ADAMTS2: variants seen among roughly 807,000 people sequenced by gnomAD.
The protein encoded by ADAMTS2 is A disintegrin and metalloproteinase with thrombospondin motifs 2.
In ADAMTS2, 50 loss-of-function variants were observed where a neutral mutation model predicts 123.0. The observed-to-expected ratio is 0.41, with a 90% CI of 0.32 to 0.51. The LOEUF is 0.51. ADAMTS2 is among the 20% of genes least tolerant of loss of function. The pLI is 0.35. For missense variants in ADAMTS2, 1,494 were observed against 1,705.2 expected (o/e 0.88, Z 2.18); for synonymous variants, 678 against 695.4 (o/e 0.98, Z 0.39).
chr5:179,339,859 A>C (rs1757719154), intron 2 of ADAMTS2, among the ~76,000 whole-genome samples: 2 of 152,212 alleles, frequency 1.3e-5, no homozygotes, highest in Non-Finnish European at 2.9e-5. Context: ...GCTGGAGCCC[A>C]GTGTGTGGCC....
intron 20 of ADAMTS2, 69 bp from the exon 21 acceptor site, chr5:179,121,819 C>T (rs1252163623): frequency 9.0e-7 from 1 of 1,105,362 alleles, no homozygotes; most frequent in Non-Finnish European, 1.3e-6. Flanking sequence ...GGCAGAGAGG[C>T]TCCGGGTCTC....
At chr5:179,204,014 T>G (rs1215973127) in intron 4 of ADAMTS2, among the ~76,000 whole-genome samples, 2 of 152,166 alleles carry the variant, frequency 1.3e-5, no homozygotes, top group Non-Finnish European at 2.9e-5. Context: ...TGGTCCTCCC[T>G]GAAAAGGAAG....
intron 2 of ADAMTS2, among the ~76,000 whole-genome samples, chr5:179,320,141 G>A (rs1307432609): frequency 6.6e-6 from 1 of 152,226 alleles, no homozygotes; most frequent in Non-Finnish European, 1.5e-5. Flanking sequence ...TGAGGGAAGG[G>A]AGGCCACGGA....
intron 5 of ADAMTS2, among the ~76,000 whole-genome samples, chr5:179,172,616 G>A (rs1530499): frequency 0.6 from 91,504 of 152,124 alleles, 27,699 homozygotes; most frequent in East Asian, 0.8. Flanking sequence ...GCCACAGGAA[G>A]CGTGAGCTAG....
At chr5:179,255,250 A>ATGAATG (rs1766020265) in intron 3 of ADAMTS2, among the ~76,000 whole-genome samples, 2 of 152,218 alleles carry the variant, frequency 1.3e-5, no homozygotes, top group South Asian at 4.1e-4. Flanking sequence ...GGATAGATGG[A>ATGAATG]TGAATGGGTA....
chr5:179,195,445 C>A lies in ADAMTS2; in HGVS notation c.891+12068G>T, dbSNP rs1438406114. 2.0e-5 allele frequency among the ~76,000 whole-genome samples: 3 copies of A among 152,248 alleles called. No homozygotes were observed. In the East Asian group the frequency reaches 5.8e-4, roughly 29 times the overall value. On this transcript the variant is annotated intron_variant, in intron 4 of 21. Transcript: ENST00000251582. ...GTTCTGCTTCACCTGTGCAGTGTGG[C>A]TTCTTAATTTCAATCTGTGGCCCAC...
intron 3 of ADAMTS2, among the ~76,000 whole-genome samples, chr5:179,208,159 G>A (rs1764760414): frequency 6.6e-6 from 1 of 151,002 alleles, no homozygotes; most frequent in Non-Finnish European, 1.5e-5. Flanking sequence ...TGCCCACACT[G>A]CCCGATGCTG....
rs1006270913 is a variant in ADAMTS2 at position 179,317,350 on chromosome 5, T to C, written c.534+26417A>G. ...TGGTAACACAATATCACACATCTCATCCAAGCCTGCTCGGACGCTGCCCTT... is the reference window on the plus strand; with the variant it reads ...TGGTAACACAATATCACACATCTCACCCAAGCCTGCTCGGACGCTGCCCTT... On this transcript the variant is annotated intron_variant, in intron 2 of 21. Transcript: ENST00000251582. The surrounding 1 kb of genome is among the most constrained non-coding windows in gnomAD (Gnocchi z 4.9). Among the ~76,000 whole-genome samples the C allele has an allele frequency of 6.6e-6, 1 of 152,122 alleles. No individual in the cohort carries two copies. The highest frequency in any genetic ancestry group is 6.5e-5 in the Admixed American group (1 of 15,284).
In ADAMTS2 at chr5:179,114,060, C is replaced by G. The variant is rs960740679; in HGVS notation, c.3443G>C (p.Ser1148Thr). The change falls in exon 22 of 22, where the codon AGC becomes ACC. Residue 1148 changes from serine to threonine, a missense_variant. Ser to Thr is a moderately conservative substitution (Grantham distance 58, BLOSUM62 1). Coordinates refer to ENST00000251582, the MANE Select transcript of ADAMTS2 (RefSeq NM_014244.5). Reference protein sequence around the residue: ...TPLEVPLNASSTNATEDHPET... With the variant: ...TPLEVPLNASTTNATEDHPET... ...TGGGTGATCCTCTGTGGCATTGGTGCTGGAGGCATTGAGAGGGACCTCCAG... is the reference window on the plus strand; with the variant it reads ...TGGGTGATCCTCTGTGGCATTGGTGGTGGAGGCATTGAGAGGGACCTCCAG... 6.2e-7 allele frequency: 1 copy of G among 1,614,112 alleles called. No individual in the cohort carries two copies. Among genetic ancestry groups the G allele is most frequent in the African/African-American group, 1.3e-5 (1 of 75,018 alleles).
chr5:179,267,126 G>A (rs1347058460), intron 3 of ADAMTS2, among the ~76,000 whole-genome samples: 3 of 147,250 alleles, frequency 2.0e-5, no homozygotes, highest in South Asian at 2.3e-4. Flanking sequence ...CCCCACCCCC[G>A]CCGCCCACTC....
intron 2 of ADAMTS2, among the ~76,000 whole-genome samples, chr5:179,274,940 C>T (rs1342117158): frequency 6.6e-6 from 1 of 152,170 alleles, no homozygotes; most frequent in Non-Finnish European, 1.5e-5. Context: ...TTGTGCTGGC[C>T]AGGCAAAGAG....
chr5:179,261,941 TC>T (rs1766236205), intron 3 of ADAMTS2, among the ~76,000 whole-genome samples: 2 of 152,252 alleles, frequency 1.3e-5, no homozygotes, highest in Admixed American at 6.5e-5. Flanking sequence ...AGCCTCTGCC[TC>T]CCGGAGCAAG....
chr5:179,136,059 TG>T lies in ADAMTS2; in HGVS notation c.1952-18del, dbSNP rs760810414. On this transcript the variant is annotated intron_variant, in intron 12 of 21. Transcript: ENST00000251582. ...TCTCCTTGGCTGGAAGGGAAGCAGC[TG>T]GGGGTCTGCAAGGAGCCCTGATGGC... 5 of 1,612,972 alleles carry T rather than the reference TG, an allele frequency of 3.1e-6. No individual in the cohort carries two copies. Among genetic ancestry groups the T allele is most frequent in the Admixed American group, 3.3e-5 (2 of 60,020 alleles).
chr5:179,153,418 C>T (rs1275615603), intron 9 of ADAMTS2, 73 bp downstream of exon 9: 26 of 1,593,274 alleles, frequency 1.6e-5, no homozygotes, highest in Admixed American at 1.0e-4. Flanking sequence ...CACACTGTCC[C>T]GGGAGCTGCC....
At chr5:179,179,374 G>C (rs910380890) in intron 5 of ADAMTS2, among the ~76,000 whole-genome samples, 3 of 151,656 alleles carry the variant, frequency 2.0e-5, no homozygotes, top group Admixed American at 6.6e-5. Context: ...CGTTTTAGCT[G>C]TATAAAATTC....
chr5:179,279,925 G>C (rs1001036827), intron 2 of ADAMTS2, among the ~76,000 whole-genome samples: 1 of 152,210 alleles, frequency 6.6e-6, no homozygotes, highest in African/African-American at 2.4e-5. Context: ...GTCCTCACCC[G>C]CATCTCCACC....
In ADAMTS2 at chr5:179,272,978, A is replaced by C. The variant is rs763850575; in HGVS notation, c.621T>G (p.Arg207=). The C allele has an allele frequency of 1.2e-6, 2 of 1,612,888 alleles. No homozygotes were observed. The highest frequency in any genetic ancestry group is 2.2e-5 in the South Asian group (2 of 91,062). ...GLAAQEAEQG[R]VHVVYRRPPT... ...GTGGCCGGCGATACACCACATGCACACGGCCTTGCTCAGCCTCCTGCGCCG... is the reference window on the plus strand; with the variant it reads ...GTGGCCGGCGATACACCACATGCACCCGGCCTTGCTCAGCCTCCTGCGCCG... The change falls in exon 3 of 22, where the codon CGT becomes CGG. Residue 207 remains arginine (R), a synonymous_variant. Coordinates refer to ENST00000251582, the MANE Select transcript of ADAMTS2 (RefSeq NM_014244.5). This position sits in a 1 kb window ranked among gnomAD's most constrained non-coding sequence, Gnocchi z 5.8.
chr5:179,272,871 A>G lies in ADAMTS2; in HGVS notation c.688+40T>C. On this transcript the variant is annotated intron_variant, in intron 3 of 21. Coordinates refer to ENST00000251582, the MANE Select transcript of ADAMTS2 (RefSeq NM_014244.5). This position sits in a 1 kb window ranked among gnomAD's most constrained non-coding sequence, Gnocchi z 5.8. ...GCTCCCCTGGGGACCAGGGCCTCAG[A>G]GGGCTCTCCACACAGCCTGCCCACC... is the stretch of plus-strand genomic sequence containing the variant. 6.3e-7 allele frequency: 1 copy of G among 1,596,652 alleles called. No individual in the cohort carries two copies. Among genetic ancestry groups the G allele is most frequent in the African/African-American group, 1.3e-5 (1 of 74,810 alleles).
At chr5:179,204,084 AG>A (rs1395470757) in intron 4 of ADAMTS2, among the ~76,000 whole-genome samples, 1 of 152,238 alleles carries the variant, frequency 6.6e-6, no homozygotes, top group Non-Finnish European at 1.5e-5. Context: ...AAGTGAAATA[AG>A]CCAGACACAA....
Sources: gnomAD v4.1 joint callset for allele counts (sites outside exome capture counted in the v4.1 genomes callset) on GRCh38, gnomAD v4.1.1 for gene constraint, Gnocchi (gnomAD v3.1) non-coding constraint, MANE v1.5 for transcripts, NCBI Gene and HGNC (gene_info 2026-07-23, HGNC 2026-07-21) for gene names.